The following FAM171A1 variants were observed in gnomAD, a reference collection of about 807,000 sequenced individuals.
The protein encoded by FAM171A1 is protein FAM171A1.
Under a neutral mutation model 74.9 loss-of-function variants are expected in FAM171A1, and 23 were observed. The observed-to-expected ratio is 0.31, with a 90% CI of 0.22 to 0.44. The LOEUF (loss-of-function observed/expected upper bound fraction) is 0.44, where lower values mean the gene tolerates loss of function less well. Ranked by LOEUF, FAM171A1 falls within the 20% of genes least tolerant of loss-of-function variation. The pLI is 1.00. For missense variants in FAM171A1, 1,162 were observed against 1,159.2 expected (o/e 1.00, Z -0.03); for synonymous variants, 527 against 505.7 (o/e 1.04, Z -0.57).
intron 5 of FAM171A1, among the ~76,000 whole-genome samples, chr10:15,227,731 A>T (rs951278692): frequency 1.3e-5 from 2 of 152,240 alleles, no homozygotes; most frequent in Admixed American, 1.3e-4. Context: ...AGACTCGGAG[A>T]TATTTTCAAG....
intron 2 of FAM171A1, among the ~76,000 whole-genome samples, chr10:15,278,270 C>T (rs1325076579): frequency 4.6e-5 from 7 of 152,178 alleles, no homozygotes; most frequent in East Asian, 1.9e-4. Flanking sequence ...AGTAGCTGTA[C>T]GACACGCAGA....
At chr10:15,299,365 T>C (rs1023197840) in intron 1 of FAM171A1, among the ~76,000 whole-genome samples, 6 of 152,214 alleles carry the variant, frequency 3.9e-5, no homozygotes, top group Non-Finnish European at 7.3e-5. Context: ...CAAAGATCTG[T>C]TGGAAGGCAC....
intron 1 of FAM171A1, among the ~76,000 whole-genome samples, chr10:15,329,661 AT>A (rs1395000105): frequency 2.0e-5 from 3 of 151,920 alleles, no homozygotes; most frequent in African/African-American, 7.3e-5. Context: ...AGCTGACTCA[AT>A]AAGAACAAGT....
chr10:15,350,277 G>T (rs10796284), intron 1 of FAM171A1, among the ~76,000 whole-genome samples: 64,164 of 124,498 alleles, frequency 0.52, 14,082 homozygotes, highest in East Asian at 0.82. Flanking sequence ...ACAATCCACA[G>T]GGATGGCCAT....
At chr10:15,359,103 C>A (rs879488564) in intron 1 of FAM171A1, among the ~76,000 whole-genome samples, 1 of 152,198 alleles carries the variant, frequency 6.6e-6, no homozygotes, top group African/African-American at 2.4e-5. Flanking sequence ...ATGTAAGAAG[C>A]ACCGAGCACA....
chr10:15,289,182 G>A (rs770394646), intron 1 of FAM171A1, among the ~76,000 whole-genome samples: 6 of 152,056 alleles, frequency 3.9e-5, no homozygotes, highest in Non-Finnish European at 7.4e-5. Context: ...ACTGAGAATG[G>A]GACTCTCCAT....
At chr10:15,266,897 A>G (rs1470634017) in intron 3 of FAM171A1, among the ~76,000 whole-genome samples, 1 of 151,528 alleles carries the variant, frequency 6.6e-6, no homozygotes, top group Non-Finnish European at 1.5e-5. Flanking sequence ...GAGAGAGAGA[A>G]AAGTTGAGGC....
chr10:15,231,387 G>C (rs1205839732), intron 5 of FAM171A1, among the ~76,000 whole-genome samples: 1 of 151,886 alleles, frequency 6.6e-6, no homozygotes, highest in African/African-American at 2.4e-5. Flanking sequence ...ATTTTTTATA[G>C]AGATGGGGTC....
At chr10:15,368,745 C>T (rs892355494) in intron 1 of FAM171A1, among the ~76,000 whole-genome samples, 5 of 152,134 alleles carry the variant, frequency 3.3e-5, no homozygotes, top group Admixed American at 1.3e-4. Context: ...TTGTCTTCAT[C>T]GTGTACATGA....
Position 15,370,943 on chromosome 10 carries a change from G to A in FAM171A1, c.97+13C>T. 7 of 1,141,678 alleles carry A rather than the reference G, an allele frequency of 6.1e-6. No homozygotes were observed. The highest frequency in any genetic ancestry group is 9.7e-5 in the East Asian group (1 of 10,276). 70.7% of individuals were successfully genotyped at this position (1,141,678 alleles called of 1,614,324 possible). On this transcript the variant is annotated intron_variant, in intron 1 of 7. Coordinates refer to ENST00000378116, the MANE Select transcript of FAM171A1 (RefSeq NM_001010924.2). ...GCGACACAAAGCCCCCGGCCCCGCC[G>A]CCGCCCACTGACCTTGGGCTCCGGC...
chr10:15,347,068 A>C (rs1040288644), intron 1 of FAM171A1, among the ~76,000 whole-genome samples: 2 of 152,000 alleles, frequency 1.3e-5, no homozygotes, highest in African/African-American at 4.8e-5. Flanking sequence ...AAATTAAACA[A>C]TTTTTTTTAA....
At chr10:15,219,195 T>G (rs1014793590) in intron 6 of FAM171A1, among the ~76,000 whole-genome samples, 2 of 152,048 alleles carry the variant, frequency 1.3e-5, no homozygotes, top group East Asian at 1.9e-4. Context: ...GGCAGGATAA[T>G]TGCTTGAACC....
At chr10:15,243,198 T>C (rs1395158734) in intron 5 of FAM171A1, among the ~76,000 whole-genome samples, 1 of 152,110 alleles carries the variant, frequency 6.6e-6, no homozygotes, top group African/African-American at 2.4e-5. Flanking sequence ...ATTTCCAAAG[T>C]GCATGGCTCC....
intron 4 of FAM171A1, among the ~76,000 whole-genome samples, chr10:15,251,932 C>T (rs533961180): frequency 6.6e-6 from 1 of 152,220 alleles, no homozygotes; most frequent in South Asian, 2.1e-4. Flanking sequence ...CTGGCCCAAG[C>T]GAGGAGAGGA....
intron 1 of FAM171A1, among the ~76,000 whole-genome samples, chr10:15,309,840 A>C (rs1198104598): frequency 6.6e-6 from 1 of 152,214 alleles, no homozygotes; most frequent in East Asian, 1.9e-4. Context: ...TGTGCTGCTA[A>C]TATTTAAACA....
rs74468064 is a variant in FAM171A1, at chr10:15,328,841, C to A, written c.97+42115G>T. ...GGCACCACCAGATTTGGCCAGCCTT[C>A]ATCCTGCCTCTCACTATCAGTATGG... On this transcript the variant is annotated intron_variant, in intron 1 of 7. Coordinates refer to ENST00000378116, the MANE Select transcript of FAM171A1 (RefSeq NM_001010924.2). 1.0e-2 allele frequency among the ~76,000 whole-genome samples: 1,517 copies of A among 152,304 alleles called. 20 individuals carry two copies. Among genetic ancestry groups the A allele is most frequent in the African/African-American group, 0.034 (1,422 of 41,564 alleles).
At chr10:15,240,659 A>G (rs1395825041) in intron 5 of FAM171A1, 2 of 956,076 alleles carry the variant, frequency 2.1e-6, no homozygotes, top group African/African-American at 3.5e-5. Flanking sequence ...TCTCTCTCCT[A>G]AGAGTAAACT....
chr10:15,295,070 C>G (rs1428493739), intron 1 of FAM171A1, among the ~76,000 whole-genome samples: 1 of 152,188 alleles, frequency 6.6e-6, no homozygotes, highest in Non-Finnish European at 1.5e-5. Flanking sequence ...CACCTGCCAC[C>G]ATGCCCAGCT....
intron 1 of FAM171A1, among the ~76,000 whole-genome samples, chr10:15,296,643 C>T (rs567629673): frequency 1.3e-5 from 2 of 152,352 alleles, no homozygotes; most frequent in South Asian, 2.1e-4. Flanking sequence ...CCCCTCTCCA[C>T]GTAGGCACCT....
Sources: allele counts gnomAD v4.1 joint callset (sites outside exome capture counted in the v4.1 genomes callset), GRCh38; gene constraint gnomAD v4.1.1; transcripts MANE v1.5; gene names NCBI Gene and HGNC (gene_info 2026-07-23, HGNC 2026-07-21).